ZC3H12B: variants seen among roughly 807,000 people sequenced by gnomAD.
The protein encoded by ZC3H12B is probable ribonuclease ZC3H12B.
ZC3H12B carries 7 observed loss-of-function variants against 43.9 expected under a neutral mutation model. That is an observed-to-expected ratio of 0.16 (90% confidence interval 0.09 to 0.30). ZC3H12B has a LOEUF of 0.30. Ranked by LOEUF, ZC3H12B falls within the 10% of genes least tolerant of loss-of-function variation. The probability of loss-of-function intolerance (pLI) is 1.00; values close to 1 mark genes in which losing one functional copy is unlikely to be tolerated. For missense variants in ZC3H12B, 475 were observed against 670.2 expected, an observed-to-expected ratio of 0.71 and a Z score of 3.22; for synonymous variants, 222 against 241.7, an observed-to-expected ratio of 0.92 and a Z score of 0.76.
chrX:65,432,501 C>G (rs937110051), intron 3 of ZC3H12B, among the ~76,000 whole-genome samples: 46 of 111,871 alleles, frequency 4.1e-4, no homozygotes, highest in African/African-American at 1.5e-3. Context: ...TATATTATGG[C>G]TCATGTGGAA....
At chrX:65,385,568 C>G (rs1246834092) in intron 2 of ZC3H12B, among the ~76,000 whole-genome samples, 2 of 111,810 alleles carry the variant, frequency 1.8e-5, no homozygotes, top group Non-Finnish European at 3.8e-5. Context: ...ATGGGGTTTT[C>G]TAAATATACA....
chrX:65,279,190 T>C, the ZC3H12B span, among the ~76,000 whole-genome samples: 6 of 111,162 alleles, frequency 5.4e-5, no homozygotes, highest in Admixed American at 1.9e-4. Context: ...CTTCTGCTTT[T>C]AGCTCTTGAA....
the ZC3H12B span, among the ~76,000 whole-genome samples, chrX:65,296,901 T>A: frequency 3.6e-5 from 4 of 111,318 alleles, no homozygotes; most frequent in South Asian, 3.7e-4. Context: ...TTAAAAAAAA[T>A]TATGTGATTG....
At chrX:65,096,485 CAAAA>C in the ZC3H12B span, among the ~76,000 whole-genome samples, 4 of 111,863 alleles carry the variant, frequency 3.6e-5, no homozygotes, top group Non-Finnish European at 7.5e-5. Flanking sequence ...TTCTAAGAAT[CAAAA>C]AGAAAGGCTG....
At chrX:65,477,948 A>G (rs963463790) in intron 3 of ZC3H12B, among the ~76,000 whole-genome samples, 5 of 108,508 alleles carry the variant, frequency 4.6e-5, no homozygotes, top group African/African-American at 1.7e-4. Flanking sequence ...ATCTCAGTTA[A>G]CCTGTCAACA....
At chrX:65,156,867 G>A in the ZC3H12B span, among the ~76,000 whole-genome samples, 3 of 111,005 alleles carry the variant, frequency 2.7e-5, no homozygotes, top group Non-Finnish European at 5.7e-5. Context: ...ACTTGCCAGG[G>A]GTTTACTAAC....
chrX:65,222,896 A>G, the ZC3H12B span, among the ~76,000 whole-genome samples: 1 of 110,749 alleles, frequency 9.0e-6, no homozygotes, highest in Non-Finnish European at 1.9e-5. Flanking sequence ...CCTAAAATCC[A>G]TATGGAACCA....
At chrX:65,373,613 C>A (rs2066277931) in intron 2 of ZC3H12B, among the ~76,000 whole-genome samples, 1 of 105,871 alleles carries the variant, frequency 9.4e-6, no homozygotes, top group Non-Finnish European at 1.9e-5. Flanking sequence ...AAGCTGGAAA[C>A]CATCATTCTC....
the ZC3H12B span, among the ~76,000 whole-genome samples, chrX:65,333,513 A>T: frequency 1.1e-4 from 12 of 112,163 alleles, no homozygotes; most frequent in East Asian, 3.4e-3. Context: ...TGACTGAAAA[A>T]CAAAACAAAG....
chrX:65,162,827 G>T, the ZC3H12B span, among the ~76,000 whole-genome samples: 47 of 112,025 alleles, frequency 4.2e-4, no homozygotes, highest in East Asian at 3.7e-3. Context: ...CGTTCCTTTG[G>T]AGGAGAAGAG....
intron 3 of ZC3H12B, among the ~76,000 whole-genome samples, chrX:65,458,899 C>T (rs987230067): frequency 2.7e-5 from 3 of 110,932 alleles, no homozygotes; most frequent in African/African-American, 9.8e-5. Context: ...AAAAACCCTT[C>T]AAAAAACCAA....
the ZC3H12B span, among the ~76,000 whole-genome samples, chrX:65,036,442 T>A: frequency 9.0e-6 from 1 of 111,646 alleles, no homozygotes; most frequent in East Asian, 2.8e-4. Context: ...TAAATGCTTT[T>A]GAGCTAAAGA....
At chrX:65,047,287 G>T in the ZC3H12B span, among the ~76,000 whole-genome samples, 1 of 111,508 alleles carries the variant, frequency 9.0e-6, no homozygotes, top group Non-Finnish European at 1.9e-5. Context: ...ATAGAAAGTT[G>T]CAATAAATGT....
At chrX:65,192,320 A>G in the ZC3H12B span, among the ~76,000 whole-genome samples, 4 of 111,845 alleles carry the variant, frequency 3.6e-5, no homozygotes, top group Non-Finnish European at 5.6e-5. Context: ...GACTTCTTCC[A>G]TTCCAATTTG....
chrX:65,100,791 C>G, the ZC3H12B span, among the ~76,000 whole-genome samples: 1 of 110,014 alleles, frequency 9.1e-6, no homozygotes, highest in Non-Finnish European at 1.9e-5. Context: ...GACTCCCACA[C>G]AATAATAATG....
At chrX:65,340,088 C>A in the ZC3H12B span, among the ~76,000 whole-genome samples, 3 of 111,744 alleles carry the variant, frequency 2.7e-5, no homozygotes, top group Admixed American at 2.8e-4. Context: ...AACACTGCTG[C>A]CAGAGTGAAA....
chrX:65,331,828 C>T, the ZC3H12B span, among the ~76,000 whole-genome samples: 1 of 111,244 alleles, frequency 9.0e-6, no homozygotes, highest in African/African-American at 3.3e-5. Flanking sequence ...GATGTTGCCA[C>T]GGCATTTGTA....
At chrX:65,163,604 G>A in the ZC3H12B span, among the ~76,000 whole-genome samples, 6 of 111,972 alleles carry the variant, frequency 5.4e-5, no homozygotes, top group South Asian at 1.9e-3. Flanking sequence ...CTGGTGCGCC[G>A]TTTTTTAAGC....
chrX:65,227,155 A>G, the ZC3H12B span, among the ~76,000 whole-genome samples: 2 of 111,957 alleles, frequency 1.8e-5, no homozygotes, highest in African/African-American at 6.5e-5. Context: ...CAGCAAATGT[A>G]AAATAACAGA....
Sources: allele counts gnomAD v4.1 joint callset (sites outside exome capture counted in the v4.1 genomes callset), GRCh38; gene constraint gnomAD v4.1.1; transcripts MANE v1.5; gene names NCBI Gene and HGNC (gene_info 2026-07-23, HGNC 2026-07-21).